ARID1B: variants seen among roughly 807,000 people sequenced by gnomAD.
The protein encoded by ARID1B is AT-rich interactive domain-containing protein 1B.
A neutral mutation model predicts 212.3 loss-of-function variants in ARID1B; 30 were observed. That is an observed-to-expected ratio of 0.14 (90% confidence interval 0.11 to 0.19). ARID1B has a LOEUF of 0.19. ARID1B is among the 10% of genes least tolerant of loss of function. The pLI is 1.00. For synonymous variants in ARID1B, 1,402 were observed against 1,301.7 expected (o/e 1.08, Z -1.66); for missense variants, 2,891 against 3,204.0 (o/e 0.90, Z 2.36).
intron 5 of ARID1B, among the ~76,000 whole-genome samples, chr6:157,089,861 C>T (rs1421582392): frequency 5.9e-5 from 9 of 151,646 alleles, no homozygotes; most frequent in Non-Finnish European, 1.2e-4. Flanking sequence ...TGCTGATATT[C>T]TAGTAAATGA....
At chr6:157,058,454 AG>A (rs1175081229) in intron 4 of ARID1B, among the ~76,000 whole-genome samples, 2 of 152,096 alleles carry the variant, frequency 1.3e-5, no homozygotes, top group African/African-American at 4.8e-5. Flanking sequence ...TAATAGAGAC[AG>A]GGTTTCACCA....
At chr6:156,821,827 C>T (rs1782373761) in intron 1 of ARID1B, among the ~76,000 whole-genome samples, 1 of 152,138 alleles carries the variant, frequency 6.6e-6, no homozygotes, top group Non-Finnish European at 1.5e-5. Context: ...GTTCTCTGCA[C>T]CTTGCTTAAG....
At chr6:156,786,765 G>A (rs1284902836) in intron 1 of ARID1B, among the ~76,000 whole-genome samples, 1 of 152,202 alleles carries the variant, frequency 6.6e-6, no homozygotes, top group East Asian at 1.9e-4. Flanking sequence ...CTGTGCCAGA[G>A]ACAGACAATA....
intron 4 of ARID1B, among the ~76,000 whole-genome samples, chr6:156,958,821 C>CA (rs1430360325): frequency 1.3e-5 from 2 of 151,658 alleles, no homozygotes; most frequent in East Asian, 1.9e-4. Flanking sequence ...TGAAGCAAAG[C>CA]AAAAAAAGAT....
At chr6:156,912,889 C>T (rs902249306) in intron 3 of ARID1B, among the ~76,000 whole-genome samples, 4 of 152,160 alleles carry the variant, frequency 2.6e-5, no homozygotes, top group Non-Finnish European at 5.9e-5. Context: ...AAAACAAAAA[C>T]GCCTTTCTTG....
chr6:157,139,076 GA>G (rs1789150542), intron 7 of ARID1B, among the ~76,000 whole-genome samples: 1 of 151,670 alleles, frequency 6.6e-6, no homozygotes, highest in Non-Finnish European at 1.5e-5. Flanking sequence ...GAATTAGGGA[GA>G]AAAAGGAAAA....
rs1794128926 is a variant in ARID1B at position 157,201,700 on chromosome 6, C to T, written c.5263+212C>T. ...CAGAAAGATTGGCCGGGCGCGGTGG[C>T]TCATGCCTGTAATACCAGCACTTTG... On this transcript the variant is annotated intron_variant, in intron 18 of 19. Transcript: ENST00000636930. This position sits in a 1 kb window ranked among gnomAD's most constrained non-coding sequence, Gnocchi z 5.2. Among the ~76,000 whole-genome samples, 1 of 152,300 alleles carries T rather than the reference C, an allele frequency of 6.6e-6. No homozygotes were observed. The highest frequency in any genetic ancestry group is 1.5e-5 in the Non-Finnish European group (1 of 68,030).
At chr6:157,039,812 T>G (rs1230096632) in intron 4 of ARID1B, among the ~76,000 whole-genome samples, 1 of 141,442 alleles carries the variant, frequency 7.1e-6, no homozygotes, top group Non-Finnish European at 1.5e-5. Context: ...TTCTCTTTCT[T>G]TCTTTTTCTC....
intron 4 of ARID1B, among the ~76,000 whole-genome samples, chr6:157,025,042 G>A (rs942467673): frequency 1.3e-5 from 2 of 152,178 alleles, no homozygotes; most frequent in Non-Finnish European, 2.9e-5. Flanking sequence ...TGTTGAAGTT[G>A]ACATTTATAT....
At chr6:156,864,728 T>C (rs1785562802) in intron 2 of ARID1B, among the ~76,000 whole-genome samples, 1 of 152,198 alleles carries the variant, frequency 6.6e-6, no homozygotes, top group Non-Finnish European at 1.5e-5. Flanking sequence ...TGGAAGATGA[T>C]GATTTAGTAC....
chr6:157,004,845 T>G (rs1779112694), intron 4 of ARID1B, among the ~76,000 whole-genome samples: 1 of 151,868 alleles, frequency 6.6e-6, no homozygotes, highest in Non-Finnish European at 1.5e-5. Flanking sequence ...TTCTTGTGTG[T>G]GTACTTTTCA....
At chr6:156,967,971 T>C (rs912484864) in intron 4 of ARID1B, among the ~76,000 whole-genome samples, 1 of 152,186 alleles carries the variant, frequency 6.6e-6, no homozygotes, top group African/African-American at 2.4e-5. Flanking sequence ...TTCGGGGTAC[T>C]GAATTTGTTT....
intron 4 of ARID1B, among the ~76,000 whole-genome samples, chr6:156,966,283 T>G (rs1168149966): frequency 6.6e-6 from 1 of 152,210 alleles, no homozygotes; most frequent in African/African-American, 2.4e-5. Flanking sequence ...ACTTTAAATT[T>G]TTGTTTATTT....
intron 6 of ARID1B, among the ~76,000 whole-genome samples, chr6:157,124,783 A>G (rs995311492): frequency 4.8e-5 from 7 of 145,622 alleles, no homozygotes; most frequent in Non-Finnish European, 1.1e-4. Flanking sequence ...TGGATTGTTG[A>G]AAAAAAAAAA....
chr6:156,936,342 C>CAAAAAAAAAAAAAAAAAAAAAAA (rs757988115), intron 4 of ARID1B: 1 of 76,780 alleles, frequency 1.3e-5, no homozygotes, highest in African/African-American at 4.6e-5. Flanking sequence ...AACTTCATCT[C>CAAAAAAAAAAAAAAAAAAAAAAA]AAAAAAAAAA....
chr6:157,028,682 AAAT>A (rs1780820569), intron 4 of ARID1B, among the ~76,000 whole-genome samples: 1 of 152,208 alleles, frequency 6.6e-6, no homozygotes, highest in Admixed American at 6.5e-5. Flanking sequence ...CCAAATCTAC[AAAT>A]AATGTCATCA....
At chr6:156,897,303 T>G (rs1367410314) in intron 2 of ARID1B, among the ~76,000 whole-genome samples, 1 of 109,024 alleles carries the variant, frequency 9.2e-6, no homozygotes, top group Non-Finnish European at 2.1e-5. Context: ...AGACAGAGTC[T>G]TGCCCTGTCG....
chr6:156,909,865 C>T (rs78188432), intron 3 of ARID1B, among the ~76,000 whole-genome samples: 4,804 of 152,256 alleles, frequency 0.032, 263 homozygotes, highest in African/African-American at 0.11. Flanking sequence ...TCCTTTTGAG[C>T]GAAGAGCCTC....
rs183271859 is a variant in ARID1B at position 156,852,079 on chromosome 6, A to C, written c.1986+22658A>C. Among the ~76,000 whole-genome samples the C allele has an allele frequency of 1.6e-3, 239 of 152,270 alleles. 3 individuals carry two copies. Among genetic ancestry groups the C allele is most frequent in the African/African-American group, 5.5e-3 (228 of 41,540 alleles). ...CAAGAGCATATAGGGACTTCGAATC[A>C]GAATATTTTGTTCAATTGTAATAGC... On this transcript the variant is annotated intron_variant, in intron 2 of 19. Transcript: ENST00000636930.
Sources: gnomAD v4.1 joint callset for allele counts (sites outside exome capture counted in the v4.1 genomes callset) on GRCh38, gnomAD v4.1.1 for gene constraint, Gnocchi (gnomAD v3.1) non-coding constraint, MANE v1.5 for transcripts, NCBI Gene and HGNC (gene_info 2026-07-23, HGNC 2026-07-21) for gene names.